The following UTRN variants were observed in gnomAD, a reference collection of about 807,000 sequenced individuals.
UTRN encodes the protein dystrophin-related protein 1.
In UTRN, 283 loss-of-function variants were observed where a neutral mutation model predicts 463.9. That is an observed-to-expected ratio of 0.61 (90% CI 0.55 to 0.67). UTRN has a LOEUF of 0.67. Ranked by LOEUF, UTRN falls within the 30% of genes least tolerant of loss-of-function variation. The pLI is 0.00. For missense variants in UTRN, 3,922 were observed against 4,084.3 expected (o/e 0.96, Z 1.08); for synonymous variants, 1,442 against 1,431.5 (o/e 1.01, Z -0.17).
chr6:144,329,429 A>G lies in UTRN; in HGVS notation c.79+37522A>G, dbSNP rs113875066. 4.6e-3 allele frequency among the ~76,000 whole-genome samples: 699 copies of G among 152,286 alleles called. 6 individuals are homozygous for G. Among genetic ancestry groups the G allele is most frequent in the African/African-American group, 0.015 (637 of 41,536 alleles). On this transcript the variant is annotated intron_variant, in intron 2 of 74. Coordinates refer to ENST00000367545, the MANE Select transcript of UTRN (RefSeq NM_007124.3). ...AAATAGAGTACATGGTATTCCATGCATACAGTTACCAAAATACTGAAAAAG... is the reference window on the plus strand; with the variant it reads ...AAATAGAGTACATGGTATTCCATGCGTACAGTTACCAAAATACTGAAAAAG...
chr6:144,787,959 G>C (rs1397219137), intron 61 of UTRN, among the ~76,000 whole-genome samples: 2 of 152,030 alleles, frequency 1.3e-5, no homozygotes, highest in Non-Finnish European at 2.9e-5. Context: ...CCATAGCAAG[G>C]ATAATATCTT....
At chr6:144,459,642 T>G (rs953771035) in intron 21 of UTRN, among the ~76,000 whole-genome samples, 5 of 152,156 alleles carry the variant, frequency 3.3e-5, no homozygotes, top group African/African-American at 9.7e-5. Context: ...TCACCCAGGC[T>G]GGAGAGCAGT....
intron 48 of UTRN, among the ~76,000 whole-genome samples, chr6:144,553,429 G>A (rs1291035409): frequency 6.6e-6 from 1 of 152,170 alleles, no homozygotes; most frequent in African/African-American, 2.4e-5. Flanking sequence ...ATGTTATCTT[G>A]TAGTTACGTT....
intron 52 of UTRN, among the ~76,000 whole-genome samples, chr6:144,682,020 G>C (rs1427731430): frequency 6.6e-6 from 1 of 152,000 alleles, no homozygotes; most frequent in African/African-American, 2.4e-5. Flanking sequence ...ATTTTAAAAT[G>C]TACAACTAAG....
chr6:144,640,200 C>T (rs571060058), intron 51 of UTRN, among the ~76,000 whole-genome samples: 1 of 152,106 alleles, frequency 6.6e-6, no homozygotes, highest in Non-Finnish European at 1.5e-5. Flanking sequence ...TCTCCCCCCT[C>T]CACCTTAATA....
At chr6:144,550,340 T>G (rs1219520626) in intron 47 of UTRN, among the ~76,000 whole-genome samples, 2 of 152,212 alleles carry the variant, frequency 1.3e-5, no homozygotes, top group Non-Finnish European at 2.9e-5. Context: ...TTGCCACTAT[T>G]TGTATTTTTT....
chr6:144,676,642 A>G (rs753650246), intron 51 of UTRN, among the ~76,000 whole-genome samples: 16 of 151,998 alleles, frequency 1.1e-4, no homozygotes, highest in Non-Finnish European at 2.2e-4. Context: ...CGTCATCTAC[A>G]TTAGGTATTT....
chr6:144,707,967 T>TG (rs1304050535), intron 53 of UTRN: 1 of 173,662 alleles, frequency 5.8e-6, no homozygotes, highest in Non-Finnish European at 1.2e-5. Context: ...AACATCAAGA[T>TG]GGCTTATAAA....
rs755287239 is a variant in UTRN, at chr6:144,479,887, C to T, written c.3412C>T (p.Gln1138Ter). The change falls in exon 26 of 75, where the codon CAG becomes TAG. Residue 1138 changes from glutamine to a stop codon, truncating the protein, a stop_gained. Transcript: ENST00000367545. LOFTEE classifies it high-confidence loss of function. ...CCTGAAGAAAGACTTGGCAGAGATG[C>T]AGGAATGGATGACCCAGGCCGAGGA... ...ANLKKDLAEM[Q>*]EWMTQAEEEY... The T allele has an allele frequency of 8.7e-6, 14 of 1,613,986 alleles. No individual in the cohort carries two copies. Among genetic ancestry groups the T allele is most frequent in the Non-Finnish European group, 1.0e-5 (12 of 1,180,008 alleles).
intron 2 of UTRN, among the ~76,000 whole-genome samples, chr6:144,367,122 T>C (rs933461388): frequency 6.6e-6 from 1 of 152,156 alleles, no homozygotes; most frequent in African/African-American, 2.4e-5. Context: ...TAGCTGGGAC[T>C]ACAGGCGCGT....
intron 9 of UTRN, among the ~76,000 whole-genome samples, chr6:144,432,364 C>G (rs1032909764): frequency 1.3e-5 from 2 of 152,260 alleles, no homozygotes; most frequent in African/African-American, 4.8e-5. Flanking sequence ...GTCTCTCTCT[C>G]TCTTTCTGTC....
chr6:144,423,064 C>T (rs554354403), intron 4 of UTRN, among the ~76,000 whole-genome samples: 1 of 152,340 alleles, frequency 6.6e-6, no homozygotes, highest in South Asian at 2.1e-4. Flanking sequence ...CCTCTGAATC[C>T]TCCTTGCTCT....
intron 2 of UTRN, among the ~76,000 whole-genome samples, chr6:144,360,169 C>G: frequency 7.1e-6 from 1 of 140,626 alleles, no homozygotes; most frequent in African/African-American, 2.6e-5. Context: ...CCTTTCTTTT[C>G]TTTCCTTCTT....
chr6:144,709,061 G>A lies in UTRN; in HGVS notation c.7809+8818G>A, dbSNP rs538653985. Among the ~76,000 whole-genome samples, 48 of 152,206 alleles carry A rather than the reference G, an allele frequency of 3.2e-4. No individual in the cohort carries two copies. The South Asian group carries it at 5.6e-3, about 18-fold the overall frequency. On this transcript the variant is annotated intron_variant, in intron 53 of 74. Coordinates refer to ENST00000367545, the MANE Select transcript of UTRN (RefSeq NM_007124.3). Reference sequence around the variant, plus strand: ...GTCAAACCCTCATGACCTAATCACCGCTTAAAGGCTGCTCCTCTTAATATC... The same window carrying A: ...GTCAAACCCTCATGACCTAATCACCACTTAAAGGCTGCTCCTCTTAATATC...
chr6:144,683,049 T>C (rs897446770), intron 52 of UTRN, among the ~76,000 whole-genome samples: 1 of 152,216 alleles, frequency 6.6e-6, no homozygotes, highest in Admixed American at 6.5e-5. Context: ...TGAAACAAAG[T>C]GTGCTCAAGG....
chr6:144,707,084 C>T (rs1344237997), intron 53 of UTRN: 1 of 151,962 alleles, frequency 6.6e-6, no homozygotes, highest in African/African-American at 2.4e-5. Context: ...TTATCATTAC[C>T]CTCCTTTTCA....
chr6:144,593,995 C>T (rs1199268224), intron 51 of UTRN, among the ~76,000 whole-genome samples: 1 of 152,116 alleles, frequency 6.6e-6, no homozygotes, highest in Non-Finnish European at 1.5e-5. Flanking sequence ...TTAAAGGAAA[C>T]AGCCTTCTTT....
At chr6:144,653,238 C>T (rs2128668122) in intron 51 of UTRN, among the ~76,000 whole-genome samples, 1 of 152,104 alleles carries the variant, frequency 6.6e-6, no homozygotes, top group East Asian at 1.9e-4. Flanking sequence ...TTGGCGTATA[C>T]ATAGGATATG....
At position 144,461,235 on chromosome 6, in the gene UTRN, T is replaced by C. The variant is rs1139836; in HGVS notation, c.2746T>C (p.Leu916=). 5,514 of 1,608,002 alleles carry C rather than the reference T, an allele frequency of 3.4e-3. 168 individuals are homozygous for C. The African/African-American group carries it at 0.063, about 18-fold the overall frequency. ...ACCTGGACATGCATATCTGGAAACATTGAAAACACTGAAAGATGTGCTAAA... is the reference window on the plus strand; with the variant it reads ...ACCTGGACATGCATATCTGGAAACACTGAAAACACTGAAAGATGTGCTAAA... ...GQPGHAYLET[L]KTLKDVLNDS... is the part of the protein sequence containing the mutation. Residue 916 remains leucine, a synonymous_variant, in exon 22 of 75, where the codon TTG becomes CTG. Coordinates refer to ENST00000367545, the MANE Select transcript of UTRN (RefSeq NM_007124.3).
Sources: allele counts gnomAD v4.1 joint callset (sites outside exome capture counted in the v4.1 genomes callset), GRCh38; gene constraint gnomAD v4.1.1; transcripts MANE v1.5; gene names NCBI Gene and HGNC (gene_info 2026-07-23, HGNC 2026-07-21).